MAB21L3: variants seen among roughly 807,000 people sequenced by gnomAD.
The protein encoded by MAB21L3 is protein mab-21-like 3.
MAB21L3 carries 36 observed loss-of-function variants against 37.7 expected under a neutral mutation model. That is an observed-to-expected ratio of 0.96 (90% CI 0.73 to 1.26). The LOEUF (loss-of-function observed/expected upper bound fraction) is 1.26, where lower values mean the gene tolerates loss of function less well. Among genes scored for constraint, MAB21L3 ranks in the 50% most tolerant of loss-of-function variants. The pLI is 0.00. For synonymous variants in MAB21L3, 186 were observed against 176.8 expected, an observed-to-expected ratio of 1.05 and a Z score of -0.41; for missense variants, 430 against 447.3, an observed-to-expected ratio of 0.96 and a Z score of 0.35.
chr1:116,134,216 T>C lies in MAB21L3; in HGVS notation c.*851T>C, dbSNP rs1660155230. 6.6e-6 allele frequency: 1 copy of C among 152,274 alleles called. No homozygotes were observed. The highest frequency in any genetic ancestry group is 2.4e-5 in the African/African-American group (1 of 41,458). The allele number at this position is 152,274 out of a possible 1,614,324, so 9.4% of individuals were successfully genotyped here. ...TTATGTAAATAACCTAGTACTATGA[T>C]CTGCATGGAGTGACCTTAGGTGTCT... is the stretch of plus-strand genomic sequence containing the variant. On this transcript the variant is annotated 3_prime_UTR_variant, in exon 8 of 8. Transcript: ENST00000369500.
Position 116,120,971 on chromosome 1 carries a change from G to C in MAB21L3, c.88G>C (p.Glu30Gln). ...RRQQISQAVE[E>Q]VQKVVHHLTT... ...CCAGCAGATTTCCCAGGCTGTGGAG[G>C]AGGTGCAGAAAGTCGTTCATCATTT... The change falls in exon 4 of 8, where the codon GAG becomes CAG. Residue 30 changes from glutamate to glutamine, a missense_variant. By Grantham distance (29) the Glu-to-Gln change is conservative. Coordinates refer to ENST00000369500, the MANE Select transcript of MAB21L3 (RefSeq NM_152367.3). 6.2e-7 allele frequency: 1 copy of C among 1,614,224 alleles called. No homozygotes were observed. The highest frequency in any genetic ancestry group is 8.5e-7 in the Non-Finnish European group (1 of 1,180,026).
Position 116,137,350 on chromosome 1 carries a change from A to G in MAB21L3, c.*3985A>G, listed in dbSNP as rs1482216839. ...AGACACTTCTCAAAAGAAGACATTT[A>G]TGCAGCCAAAAATCACATGAAAAAT... On this transcript the variant is annotated 3_prime_UTR_variant, in exon 8 of 8. Transcript: ENST00000369500. Among the ~76,000 whole-genome samples, 1 of 123,822 alleles carries G rather than the reference A, an allele frequency of 8.1e-6. No individual in the cohort carries two copies. The highest frequency in any genetic ancestry group is 5.1e-5 in the African/African-American group (1 of 19,636). The allele number at this position is 123,822 out of a possible 152,430, so 81.2% of individuals were successfully genotyped here. A position where few individuals can be genotyped will look rare whatever the true frequency, so the allele number is the denominator to read the frequency against.
Position 116,135,953 on chromosome 1 carries a change from A to C in MAB21L3, c.*2588A>C, listed in dbSNP as rs1416884402. Among the ~76,000 whole-genome samples the C allele has an allele frequency of 2.0e-5, 3 of 151,356 alleles. No homozygotes were observed. The highest frequency in any genetic ancestry group is 4.4e-5 in the Non-Finnish European group (3 of 67,990). On this transcript the variant is annotated 3_prime_UTR_variant, in exon 8 of 8. Coordinates refer to ENST00000369500, the MANE Select transcript of MAB21L3 (RefSeq NM_152367.3). Reference sequence around the variant, plus strand: ...ACCTTCATGCTAAAAACTCTCAATAAATTAGGTATTGATGGGACGTATTTC... The same window carrying C: ...ACCTTCATGCTAAAAACTCTCAATACATTAGGTATTGATGGGACGTATTTC...
rs774436510 is a variant in MAB21L3 at position 116,128,262 on chromosome 1, T to C, written c.778T>C (p.Phe260Leu). 2.5e-6 allele frequency: 4 copies of C among 1,614,098 alleles called. No homozygotes were observed. The highest frequency in any genetic ancestry group is 3.4e-6 in the Non-Finnish European group (4 of 1,179,996). ...AGATGGGGGCTGCCGTAGGAAGTGT[T>C]TTCAGGTCATGAGGCACCTGAAGGA... ...DEDGGCRRKC[F>L]QVMRHLKEDI... Residue 260 changes from phenylalanine (F) to leucine (L), a missense_variant, in exon 7 of 8, where the codon TTT (phenylalanine) becomes CTT (leucine). By Grantham distance (22) the Phe-to-Leu change is conservative. Coordinates refer to ENST00000369500, the MANE Select transcript of MAB21L3 (RefSeq NM_152367.3).
intron 7 of MAB21L3, among the ~76,000 whole-genome samples, chr1:116,131,086 C>T (rs996960778): frequency 6.6e-6 from 1 of 152,184 alleles, no homozygotes; most frequent in Admixed American, 6.5e-5. Flanking sequence ...CTAGCCTTTG[C>T]TGGGTACTGG....
chr1:116,127,986 T>C (rs2101617315), intron 6 of MAB21L3, among the ~76,000 whole-genome samples, 159 bp from the exon 7 acceptor site: 1 of 152,196 alleles, frequency 6.6e-6, no homozygotes, highest in South Asian at 2.1e-4. Flanking sequence ...ACATCCAAGG[T>C]GGCTTGTGGT....
chr1:116,118,962 C>T (rs1775700), intron 3 of MAB21L3, among the ~76,000 whole-genome samples: 55,293 of 152,088 alleles, frequency 0.36, 13,709 homozygotes, highest in African/African-American at 0.71. Flanking sequence ...TCCAGGTCAT[C>T]TGTCTTGCTT....
At chr1:116,117,757 C>T (rs1222315021) in intron 3 of MAB21L3, among the ~76,000 whole-genome samples, 2 of 152,186 alleles carry the variant, frequency 1.3e-5, no homozygotes, top group African/African-American at 2.4e-5. Context: ...TCACTCTTAG[C>T]TCATTAACAT....
chr1:116,117,038 GCATACATACACACATGTA>G lies in MAB21L3; in HGVS notation c.49-3877_49-3860del, dbSNP rs1460882303. On this transcript the variant is annotated intron_variant, in intron 3 of 7. Transcript: ENST00000369500. ...AGGCTACTCTTCACGTGTGTTATGT[GCATACATACACACATGTA>G]CATACATACACACATGCACACACAC... Among the ~76,000 whole-genome samples the G allele has an allele frequency of 2.0e-5, 3 of 151,720 alleles. No homozygotes were observed. The East Asian group carries it at 5.8e-4, about 29-fold the overall frequency.
At chr1:116,120,428 C>G (rs6428862) in intron 3 of MAB21L3, among the ~76,000 whole-genome samples, 33,930 of 149,518 alleles carry the variant, frequency 0.23, 4,971 homozygotes, top group African/African-American at 0.42. Flanking sequence ...CACACACACA[C>G]ACAAACACAC....
chr1:116,137,610 C>T lies in MAB21L3; in HGVS notation c.*4245C>T, dbSNP rs1169674249. The stretch of plus-strand genomic sequence containing the variant: ...GAACTAGAAATACCATTTGACCCAG[C>T]CATCCCATTACTGGGTATATACCCA... On this transcript the variant is annotated 3_prime_UTR_variant, in exon 8 of 8. Coordinates refer to ENST00000369500, the MANE Select transcript of MAB21L3 (RefSeq NM_152367.3). 9.3e-5 allele frequency among the ~76,000 whole-genome samples: 14 copies of T among 150,448 alleles called. No individual in the cohort carries two copies. The East Asian group carries it at 2.8e-3, about 30-fold the overall frequency.
At chr1:116,111,989 G>T (rs1363579019) in intron 2 of MAB21L3, among the ~76,000 whole-genome samples, 179 bp downstream of exon 2, 3 of 152,088 alleles carry the variant, frequency 2.0e-5, no homozygotes, top group African/African-American at 7.2e-5. Flanking sequence ...TGTGCTCTGC[G>T]CTGGCTGACA....
intron 2 of MAB21L3, 51 bp from the exon 3 acceptor site, chr1:116,112,356 A>G (rs1659445648): frequency 5.4e-6 from 2 of 369,244 alleles, no homozygotes. Flanking sequence ...ACTCAAATTC[A>G]ATTTTATCAA....
intron 3 of MAB21L3, among the ~76,000 whole-genome samples, chr1:116,113,416 A>G (rs190429514): frequency 2.9e-4 from 44 of 152,374 alleles, no homozygotes; most frequent in African/African-American, 9.9e-4. Context: ...GATAAAAACT[A>G]GAGTAAACAA....
At chr1:116,116,197 G>A (rs1415231222) in intron 3 of MAB21L3, among the ~76,000 whole-genome samples, 1 of 152,146 alleles carries the variant, frequency 6.6e-6, no homozygotes, top group Non-Finnish European at 1.5e-5. Flanking sequence ...TGGGGGTTCT[G>A]TGTTGTCACA....
intron 7 of MAB21L3, among the ~76,000 whole-genome samples, chr1:116,130,887 G>A (rs900668792): frequency 4.6e-5 from 7 of 152,034 alleles, no homozygotes; most frequent in South Asian, 2.1e-4. Flanking sequence ...GGTTATCTTC[G>A]CTTGCATGAA....
In MAB21L3 at chr1:116,133,433, C is replaced by T. The variant is rs968425945; in HGVS notation, c.*68C>T. ...CTTAACATTGTTCTTTGGATGGTTC[C>T]TCAGTCAGGTGCCAGGATCCTGCCT... is the stretch of plus-strand genomic sequence containing the variant. On this transcript the variant is annotated 3_prime_UTR_variant, in exon 8 of 8. Transcript: ENST00000369500. 3 of 1,429,418 alleles carry T rather than the reference C, an allele frequency of 2.1e-6. No homozygotes were observed. The highest frequency in any genetic ancestry group is 2.9e-6 in the Non-Finnish European group (3 of 1,023,222). The allele number at this position is 1,429,418 out of a possible 1,614,324, so 88.5% of individuals were successfully genotyped here.
chr1:116,122,789 A>T lies in MAB21L3; in HGVS notation c.190-1277A>T, dbSNP rs560403646. Among the ~76,000 whole-genome samples the T allele has an allele frequency of 1.1e-4, 17 of 152,296 alleles. No individual in the cohort carries two copies. In the South Asian group the frequency reaches 3.3e-3, roughly 30 times the overall value. On this transcript the variant is annotated intron_variant, in intron 4 of 7. Coordinates refer to ENST00000369500, the MANE Select transcript of MAB21L3 (RefSeq NM_152367.3). Reference sequence around the variant, plus strand: ...CATCATATTGCCCAAGCTGCTCAACAAATATCTACTAAGCACCACTTATAT... The same window carrying T: ...CATCATATTGCCCAAGCTGCTCAACTAATATCTACTAAGCACCACTTATAT...
chr1:116,123,864 G>A (rs988099668), intron 4 of MAB21L3: 38 of 545,002 alleles, frequency 7.0e-5, no homozygotes, highest in Non-Finnish European at 1.2e-4. Flanking sequence ...TTACTTGCCC[G>A]AAGTATTTAC....
Sources: allele counts gnomAD v4.1 joint callset (sites outside exome capture counted in the v4.1 genomes callset), GRCh38; gene constraint gnomAD v4.1.1; transcripts MANE v1.5; gene names NCBI Gene and HGNC (gene_info 2026-07-23, HGNC 2026-07-21).